CIMIP5: variants seen among roughly 807,000 people sequenced by gnomAD.
The protein encoded by CIMIP5 is ciliary microtubule inner protein 5, also known as uncharacterized protein C2orf50.
At chr2:11,142,183 T>C in the CIMIP5 span, among the ~76,000 whole-genome samples, 1 of 150,466 alleles carries the variant, frequency 6.6e-6, no homozygotes, top group African/African-American at 2.5e-5. Flanking sequence ...GGAGAATAGC[T>C]TGAACCTGGG....
At chr2:11,133,626 C>T in the CIMIP5 span, 62 of 1,551,816 alleles carry the variant, frequency 4.0e-5, no homozygotes, top group African/African-American at 1.2e-4. Context: ...ACCCTGACTC[C>T]GCAGCCTGAC....
chr2:11,148,484 T>C, the CIMIP5 span, among the ~76,000 whole-genome samples: 26,209 of 151,946 alleles, frequency 0.17, 6,651 homozygotes, highest in African/African-American at 0.56. Flanking sequence ...AGCAACTTCC[T>C]GTGCCAGAAA....
At chr2:11,150,606 A>G in the CIMIP5 span, among the ~76,000 whole-genome samples, 1 of 151,822 alleles carries the variant, frequency 6.6e-6, no homozygotes, top group East Asian at 1.9e-4. Context: ...TGCTGGGATT[A>G]CAGGTGTGAG....
At chr2:11,133,352 C>A in the CIMIP5 span, 1 of 1,604,376 alleles carries the variant, frequency 6.2e-7, no homozygotes, top group Non-Finnish European at 8.5e-7. Context: ...GCCACCCCAC[C>A]CCTGGGCTCC....
At chr2:11,145,875 A>G in the CIMIP5 span, 1 of 152,388 alleles carries the variant, frequency 6.6e-6, no homozygotes, top group Non-Finnish European at 1.5e-5. Flanking sequence ...AAAACTGGCC[A>G]AAACAAAAAC....
At chr2:11,139,719 T>C in the CIMIP5 span, among the ~76,000 whole-genome samples, 3 of 152,222 alleles carry the variant, frequency 2.0e-5, no homozygotes, top group Non-Finnish European at 4.4e-5. Context: ...TCATTGGAAA[T>C]TGAAATGTTT....
the CIMIP5 span, among the ~76,000 whole-genome samples, chr2:11,153,378 C>T: frequency 0.24 from 36,240 of 152,126 alleles, 4,695 homozygotes; most frequent in East Asian, 0.48. Flanking sequence ...CAAGTGCTAG[C>T]GCAGGCTGAC....
At chr2:11,138,536 A>G in the CIMIP5 span, among the ~76,000 whole-genome samples, 4 of 152,250 alleles carry the variant, frequency 2.6e-5, no homozygotes, top group African/African-American at 9.6e-5. Context: ...ATTAAGAAAC[A>G]GCAGTGGATA....
chr2:11,153,520 C>T, the CIMIP5 span, among the ~76,000 whole-genome samples: 1 of 152,226 alleles, frequency 6.6e-6, no homozygotes, highest in Non-Finnish European at 1.5e-5. Flanking sequence ...AGGAACCAGG[C>T]ACTTCCAACC....
the CIMIP5 span, among the ~76,000 whole-genome samples, chr2:11,142,900 T>G: frequency 6.6e-6 from 1 of 152,110 alleles, no homozygotes; most frequent in East Asian, 1.9e-4. Context: ...TTTGTATTTT[T>G]TTGTAGAGAC....
chr2:11,149,758 G>A, the CIMIP5 span, among the ~76,000 whole-genome samples: 1 of 151,922 alleles, frequency 6.6e-6, no homozygotes, highest in Admixed American at 6.6e-5. Flanking sequence ...AAAAGTCAAT[G>A]TCATAAAAGA....
the CIMIP5 span, among the ~76,000 whole-genome samples, chr2:11,153,313 C>T: frequency 6.6e-6 from 1 of 152,200 alleles, no homozygotes; most frequent in South Asian, 2.1e-4. Context: ...CCACTCCCTG[C>T]GTGGTCCTGG....
At chr2:11,140,369 C>T in the CIMIP5 span, 7 of 439,516 alleles carry the variant, frequency 1.6e-5, no homozygotes, top group East Asian at 1.5e-4. Context: ...AGTGAGCCTC[C>T]GTCTTAAAAA....
At chr2:11,140,453 C>T in the CIMIP5 span, 1 of 1,313,726 alleles carries the variant, frequency 7.6e-7, no homozygotes, top group South Asian at 1.5e-5. Context: ...CAGTGAAAGT[C>T]ATTGGTAAAA....
chr2:11,133,151 A>T, the CIMIP5 span: 7 of 601,100 alleles, frequency 1.2e-5, no homozygotes, highest in South Asian at 2.2e-4. Context: ...CAGCCCGGAG[A>T]GCCCTGTCCC....
chr2:11,142,713 A>ATTTTTTTTT, the CIMIP5 span, among the ~76,000 whole-genome samples: 2 of 104,140 alleles, frequency 1.9e-5, no homozygotes, highest in African/African-American at 3.8e-5. Context: ...CACTTGTCAG[A>ATTTTTTTTT]TTTTTTTTTT....
At chr2:11,144,070 G>GCCC in the CIMIP5 span, 1 of 1,597,374 alleles carries the variant, frequency 6.3e-7, no homozygotes, top group Non-Finnish European at 8.5e-7. Context: ...CACAGAAGGG[G>GCCC]CCCGGAAGAA....
chr2:11,142,523 A>G, the CIMIP5 span, among the ~76,000 whole-genome samples: 2,295 of 152,232 alleles, frequency 0.015, 58 homozygotes, highest in African/African-American at 0.053. Context: ...TAAGGGCTAC[A>G]TGATAGCAAC....
At chr2:11,133,220 C>T in the CIMIP5 span, 5 of 1,304,718 alleles carry the variant, frequency 3.8e-6, no homozygotes, top group African/African-American at 4.6e-5. Flanking sequence ...TGCCCAGGCT[C>T]TCCCGGGGTT....
Sources: allele counts gnomAD v4.1 joint callset (sites outside exome capture counted in the v4.1 genomes callset), GRCh38; gene constraint gnomAD v4.1.1; transcripts MANE v1.5; gene names NCBI Gene and HGNC (gene_info 2026-07-23, HGNC 2026-07-21).